BICDL1: variants seen among roughly 807,000 people sequenced by gnomAD.
The protein encoded by BICDL1 is BICD family-like cargo adapter 1.
A neutral mutation model predicts 76.8 loss-of-function variants in BICDL1; 20 were observed. The ratio of observed to expected loss-of-function variants is 0.26; its 90% CI spans 0.18 to 0.38. BICDL1 has a LOEUF of 0.38. BICDL1 is among the 10% of genes least tolerant of loss of function. BICDL1 has a pLI of 1.00. For missense variants in BICDL1, 700 were observed against 798.6 expected (o/e 0.88, Z 1.49); for synonymous variants, 383 against 337.1 (o/e 1.14, Z -1.49).
At chr12:119,993,996 G>A (rs574709464) in intron 1 of BICDL1, among the ~76,000 whole-genome samples, 12 of 152,228 alleles carry the variant, frequency 7.9e-5, no homozygotes, top group African/African-American at 2.6e-4. Context: ...ACTTATATCC[G>A]GTCATGTCCT....
chr12:120,089,143 G>A (rs1030109696), intron 8 of BICDL1, among the ~76,000 whole-genome samples: 2 of 152,236 alleles, frequency 1.3e-5, no homozygotes, highest in Non-Finnish European at 2.9e-5. Flanking sequence ...TATACCAGCA[G>A]GACAAGGTTC....
rs146840456 is a variant in BICDL1 at position 120,064,467 on chromosome 12, A to G, written c.763-266A>G. Among the ~76,000 whole-genome samples, 1,199 of 151,520 alleles carry G rather than the reference A, an allele frequency of 7.9e-3. 44 individuals carry two copies. The highest frequency in any genetic ancestry group is 0.071 in the Admixed American group (1,074 of 15,208). On this transcript the variant is annotated intron_variant, in intron 3 of 9. Coordinates refer to ENST00000548673, the MANE Select transcript of BICDL1 (RefSeq NM_001367886.1). Reference sequence around the variant, plus strand: ...ATCTTATCTCTGGAATTTCCAGAGCACTAGCCTTCCCTTCCTCTGCCTGGC... The same window carrying G: ...ATCTTATCTCTGGAATTTCCAGAGCGCTAGCCTTCCCTTCCTCTGCCTGGC...
chr12:120,066,742 T>TTG (rs1953230569), intron 4 of BICDL1, among the ~76,000 whole-genome samples: 1 of 152,216 alleles, frequency 6.6e-6, no homozygotes, highest in East Asian at 1.9e-4. Flanking sequence ...TGTGAAACTC[T>TTG]CCAGTTGCCA....
At chr12:120,043,991 G>C (rs2138820690) in intron 2 of BICDL1, among the ~76,000 whole-genome samples, 1 of 152,288 alleles carries the variant, frequency 6.6e-6, no homozygotes, top group South Asian at 2.1e-4. Context: ...TTTAACCGGG[G>C]ATCTTATAAT....
intron 8 of BICDL1, among the ~76,000 whole-genome samples, chr12:120,088,819 G>A (rs1874671834): frequency 6.6e-6 from 1 of 151,976 alleles, no homozygotes; most frequent in South Asian, 2.1e-4. Context: ...GGCACCTGCC[G>A]CCATGCCTGG....
chr12:120,058,324 C>A (rs77667532), intron 2 of BICDL1, among the ~76,000 whole-genome samples: 61 of 152,198 alleles, frequency 4.0e-4, no homozygotes, highest in Admixed American at 9.2e-4. Context: ...CTAAGAAGAT[C>A]GCTTTGAGAA....
intron 2 of BICDL1, among the ~76,000 whole-genome samples, chr12:120,012,533 T>C (rs1041713111): frequency 6.6e-6 from 1 of 152,222 alleles, no homozygotes; most frequent in Admixed American, 6.5e-5. Flanking sequence ...GGATACCAGT[T>C]ATACCTCCTC....
At position 120,093,249 on chromosome 12, in the gene BICDL1, T is replaced by G; in HGVS notation, c.*88T>G. The G allele has an allele frequency of 7.0e-7, 1 of 1,429,318 alleles. No homozygotes were observed. The highest frequency in any genetic ancestry group is 9.6e-7 in the Non-Finnish European group (1 of 1,046,286). The allele number at this position is 1,429,318 out of a possible 1,614,324, so 88.5% of individuals were successfully genotyped here. ...CAAGGCCTCCCCTGCAGCTTGCACC[T>G]CAGCAGCTGCCCTGCCCCTCATGCT... On this transcript the variant is annotated 3_prime_UTR_variant, in exon 10 of 10. Transcript: ENST00000548673.
intron 2 of BICDL1, among the ~76,000 whole-genome samples, chr12:120,012,256 C>A (rs1188521923): frequency 1.3e-5 from 2 of 152,178 alleles, no homozygotes; most frequent in East Asian, 3.9e-4. Context: ...TCCCTGCACA[C>A]GACTGACGGT....
At position 120,044,867 on chromosome 12, in the gene BICDL1, G is replaced by A. The variant is rs186178508; in HGVS notation, c.646-16843G>A. ...ATGCCTCCGGCTTTGTTCTTTTGGC[G>A]TAGGATTGACTTGGCGATGCGGGCT... On this transcript the variant is annotated intron_variant, in intron 2 of 9. Transcript: ENST00000548673. Among the ~76,000 whole-genome samples, 789 of 152,212 alleles carry A rather than the reference G, an allele frequency of 5.2e-3. 5 individuals are homozygous for A. Among genetic ancestry groups the A allele is most frequent in the African/African-American group, 0.017 (693 of 41,526 alleles).
In BICDL1 at chr12:119,989,967, A is replaced by C. The variant is rs760531438; in HGVS notation, c.99A>C (p.Ala33=). 5 of 1,463,566 alleles carry C rather than the reference A, an allele frequency of 3.4e-6. No homozygotes were observed. 90.7% of individuals were successfully genotyped at this position (1,463,566 alleles called of 1,614,324 possible). A position where few individuals can be genotyped will look rare whatever the true frequency, so the allele number is the denominator to read the frequency against. ...CMELPAAAGD[A]VRSPAAAAAL... The stretch of plus-strand genomic sequence containing the variant: ...AGCTGCCCGCCGCGGCCGGGGACGC[A>C]GTCCGGAGTCCCGCCGCCGCCGCCG... Residue 33 remains alanine, a synonymous_variant, in exon 1 of 10, where the codon GCA becomes GCC. Coordinates refer to ENST00000548673, the MANE Select transcript of BICDL1 (RefSeq NM_001367886.1).
At chr12:120,042,270 C>CAGT (rs1952657429) in intron 2 of BICDL1, among the ~76,000 whole-genome samples, 2 of 152,212 alleles carry the variant, frequency 1.3e-5, no homozygotes, top group South Asian at 4.2e-4. Flanking sequence ...TATATTTCAG[C>CAGT]AGTAGAGTCC....
chr12:120,010,722 T>C (rs1456968561), intron 2 of BICDL1, among the ~76,000 whole-genome samples: 1 of 152,148 alleles, frequency 6.6e-6, no homozygotes, highest in African/African-American at 2.4e-5. Flanking sequence ...TAATATTTTA[T>C]TTGAGGGAAA....
intron 2 of BICDL1, among the ~76,000 whole-genome samples, chr12:120,026,349 GA>G (rs1170387192): frequency 2.0e-5 from 3 of 152,156 alleles, no homozygotes; most frequent in African/African-American, 7.2e-5. Flanking sequence ...AGTTGTAGGT[GA>G]GGGACAGATG....
intron 2 of BICDL1, among the ~76,000 whole-genome samples, chr12:120,023,546 T>C (rs1952225936): frequency 6.6e-6 from 1 of 152,164 alleles, no homozygotes; most frequent in South Asian, 2.1e-4. Context: ...CCCAGCACTT[T>C]GGGAGGCCAA....
intron 2 of BICDL1, chr12:120,056,962 C>G (rs117230881): frequency 4.6e-6 from 2 of 438,114 alleles, no homozygotes; most frequent in South Asian, 3.5e-5. Context: ...GGAGGCTGGG[C>G]CCTGTGCCAA....
rs367543650 is a variant in BICDL1, at chr12:120,006,718, G to A, written c.645+7982G>A. On this transcript the variant is annotated intron_variant, in intron 2 of 9. Transcript: ENST00000548673. ...TGGAAAGAAGGCTGCTATGACTGGG[G>A]TGTGGTTAGCTTGGAAAGGGTTAGG... Among the ~76,000 whole-genome samples, 4 of 152,186 alleles carry A rather than the reference G, an allele frequency of 2.6e-5. No individual in the cohort carries two copies. The East Asian group carries it at 7.7e-4, about 29-fold the overall frequency.
At chr12:120,046,317 T>G (rs1203828254) in intron 2 of BICDL1, among the ~76,000 whole-genome samples, 1 of 152,210 alleles carries the variant, frequency 6.6e-6, no homozygotes, top group Non-Finnish European at 1.5e-5. Flanking sequence ...TCTGTTAGAC[T>G]TTTCTGTGCC....
chr12:120,080,324 A>C (rs1478216495), intron 7 of BICDL1, among the ~76,000 whole-genome samples: 1 of 152,222 alleles, frequency 6.6e-6, no homozygotes, highest in East Asian at 1.9e-4. Flanking sequence ...TTTGAGGTGG[A>C]AGATGATAAT....
Sources: gnomAD v4.1 joint callset for allele counts (sites outside exome capture counted in the v4.1 genomes callset) on GRCh38, gnomAD v4.1.1 for gene constraint, MANE v1.5 for transcripts, NCBI Gene and HGNC (gene_info 2026-07-23, HGNC 2026-07-21) for gene names.